SPAG16: variants seen among roughly 807,000 people sequenced by gnomAD.
SPAG16 encodes sperm-associated antigen 16 protein.
Under a neutral mutation model 80.4 loss-of-function variants are expected in SPAG16, and 86 were observed. That is an observed-to-expected ratio of 1.07 (90% CI 0.90 to 1.28). The LOEUF (loss-of-function observed/expected upper bound fraction) is 1.28. Among genes scored for constraint, SPAG16 ranks in the 50% most tolerant of loss-of-function variants. The pLI is 0.00. For missense variants in SPAG16, 870 were observed against 765.3 expected, an observed-to-expected ratio of 1.14 and a Z score of -1.61; for synonymous variants, 294 against 265.9, an observed-to-expected ratio of 1.11 and a Z score of -1.03.
At chr2:213,405,234 T>C (rs1211962629) in intron 9 of SPAG16, among the ~76,000 whole-genome samples, 2 of 152,218 alleles carry the variant, frequency 1.3e-5, no homozygotes, top group Non-Finnish European at 2.9e-5. Flanking sequence ...CAGTTAATTT[T>C]AGCTATTAAG....
chr2:214,025,457 AC>A (rs1384762396), intron 13 of SPAG16, among the ~76,000 whole-genome samples: 1 of 151,650 alleles, frequency 6.6e-6, no homozygotes, highest in Non-Finnish European at 1.5e-5. Flanking sequence ...TATACATTCA[AC>A]CCATTAAAAC....
At chr2:214,291,989 C>G (rs1162071563) in intron 15 of SPAG16, among the ~76,000 whole-genome samples, 2 of 152,134 alleles carry the variant, frequency 1.3e-5, no homozygotes, top group Admixed American at 6.5e-5. Flanking sequence ...TTCATTTCCC[C>G]TTTATTGATG....
intron 10 of SPAG16, among the ~76,000 whole-genome samples, chr2:213,735,684 G>A (rs1392086731): frequency 6.6e-6 from 1 of 152,172 alleles, no homozygotes; most frequent in African/African-American, 2.4e-5. Context: ...AGCTATGATT[G>A]CCACACTTAA....
At chr2:214,253,466 T>C (rs972792711) in intron 15 of SPAG16, among the ~76,000 whole-genome samples, 2 of 152,044 alleles carry the variant, frequency 1.3e-5, no homozygotes, top group Non-Finnish European at 2.9e-5. Context: ...AATCCATCTT[T>C]AGTTAATTTT....
intron 11 of SPAG16, among the ~76,000 whole-genome samples, chr2:213,870,296 A>G (rs1559539332): frequency 6.6e-6 from 1 of 152,224 alleles, no homozygotes; most frequent in Non-Finnish European, 1.5e-5. Flanking sequence ...GATTATAACC[A>G]AGACAAATCA....
chr2:214,199,287 G>A (rs1479488350), intron 15 of SPAG16, among the ~76,000 whole-genome samples: 1 of 152,084 alleles, frequency 6.6e-6, no homozygotes, highest in Non-Finnish European at 1.5e-5. Flanking sequence ...TGTATAAGGT[G>A]AGAGATGAGG....
At chr2:213,736,706 A>T (rs995118914) in intron 10 of SPAG16, among the ~76,000 whole-genome samples, 9 of 145,480 alleles carry the variant, frequency 6.2e-5, no homozygotes, top group Non-Finnish European at 6.0e-5. Context: ...TTTTTAAATA[A>T]TTTTTTTTTT....
intron 8 of SPAG16, among the ~76,000 whole-genome samples, chr2:213,372,131 T>G (rs1479849856): frequency 1.3e-5 from 2 of 152,136 alleles, no homozygotes; most frequent in African/African-American, 4.8e-5. Context: ...AGATAAATTT[T>G]TTTTTCAAAT....
intron 15 of SPAG16, among the ~76,000 whole-genome samples, chr2:214,191,926 C>T (rs966643211): frequency 2.6e-5 from 4 of 151,666 alleles, no homozygotes; most frequent in African/African-American, 9.7e-5. Flanking sequence ...AATTCCTGAG[C>T]TTCATTTCCA....
At chr2:213,950,482 C>A (rs1346891686) in intron 12 of SPAG16, among the ~76,000 whole-genome samples, 4 of 147,010 alleles carry the variant, frequency 2.7e-5, no homozygotes, top group African/African-American at 9.7e-5. Flanking sequence ...ACAGGTCACA[C>A]CGCCCTTTAA....
intron 13 of SPAG16, among the ~76,000 whole-genome samples, chr2:214,051,923 T>A (rs562551393): frequency 3.3e-5 from 5 of 152,362 alleles, no homozygotes; most frequent in South Asian, 4.1e-4. Context: ...GAGGCAGACT[T>A]GGCTTTTACA....
At chr2:213,843,678 G>A (rs995949259) in intron 10 of SPAG16, among the ~76,000 whole-genome samples, 3 of 151,384 alleles carry the variant, frequency 2.0e-5, no homozygotes, top group African/African-American at 4.9e-5. Flanking sequence ...TGGTGCAAAC[G>A]CGTCTCTACT....
chr2:213,518,154 T>C (rs2075513437), intron 10 of SPAG16, among the ~76,000 whole-genome samples: 1 of 152,130 alleles, frequency 6.6e-6, no homozygotes, highest in Admixed American at 6.5e-5. Context: ...ATAGACACTT[T>C]TCAAAACAAC....
chr2:214,173,503 T>G (rs2056957890), intron 15 of SPAG16, among the ~76,000 whole-genome samples: 1 of 152,024 alleles, frequency 6.6e-6, no homozygotes, highest in African/African-American at 2.4e-5. Context: ...TACTGTAGCC[T>G]TGTAGTATAG....
chr2:213,860,446 T>A (rs1334439191), intron 10 of SPAG16, among the ~76,000 whole-genome samples: 1 of 125,682 alleles, frequency 8.0e-6, no homozygotes, highest in African/African-American at 2.8e-5. Flanking sequence ...TTTATAGATA[T>A]ATGTATATAT....
chr2:213,829,635 A>G (rs1425542500), intron 10 of SPAG16, among the ~76,000 whole-genome samples: 1 of 151,972 alleles, frequency 6.6e-6, no homozygotes, highest in African/African-American at 2.4e-5. Flanking sequence ...GCATCTCAGA[A>G]TCTCACCCAA....
chr2:213,579,982 ATACCCCAAAT>A (rs1231290594), intron 10 of SPAG16, among the ~76,000 whole-genome samples: 1 of 152,120 alleles, frequency 6.6e-6, no homozygotes, highest in African/African-American at 2.4e-5. Context: ...AAAACATACT[ATACCCCAAAT>A]ATGGCACCTT....
chr2:213,339,907 A>G (rs1438495706), intron 5 of SPAG16, among the ~76,000 whole-genome samples: 1 of 152,070 alleles, frequency 6.6e-6, no homozygotes, highest in African/African-American at 2.4e-5. Flanking sequence ...CATACCTTTA[A>G]TTTTCATTTA....
At chr2:214,284,190 A>G (rs1352016501) in intron 15 of SPAG16, among the ~76,000 whole-genome samples, 1 of 152,206 alleles carries the variant, frequency 6.6e-6, no homozygotes, top group Admixed American at 6.5e-5. Context: ...GCGTTATGAG[A>G]AAAAACACAA....
Sources: gnomAD v4.1 joint callset for allele counts (sites outside exome capture counted in the v4.1 genomes callset) on GRCh38, gnomAD v4.1.1 for gene constraint, MANE v1.5 for transcripts, NCBI Gene and HGNC (gene_info 2026-07-23, HGNC 2026-07-21) for gene names.